EPHA3: variants seen among roughly 807,000 people sequenced by gnomAD.
EPHA3 encodes the protein ephrin type-A receptor 3.
A neutral mutation model predicts 107.1 loss-of-function variants in EPHA3; 42 were observed. The observed-to-expected ratio is 0.39, with a 90% CI of 0.31 to 0.51. The LOEUF (loss-of-function observed/expected upper bound fraction) is 0.51. Ranked by LOEUF, EPHA3 falls within the 20% of genes least tolerant of loss-of-function variation. The probability of loss-of-function intolerance (pLI) is 0.78; values close to 1 mark genes in which losing one functional copy is unlikely to be tolerated. For missense variants in EPHA3, 1,183 were observed against 1,211.2 expected, an observed-to-expected ratio of 0.98 and a Z score of 0.35; for synonymous variants, 461 against 424.8, an observed-to-expected ratio of 1.09 and a Z score of -1.05.
rs573354399 is a variant in EPHA3, at chr3:89,243,206, G to A, written c.814+32686G>A. On this transcript the variant is annotated intron_variant, in intron 3 of 16. Coordinates refer to ENST00000336596, the MANE Select transcript of EPHA3 (RefSeq NM_005233.6). ...TCTTTGCTATTGTGAATAGTGCCGC[G>A]ATAAACATATGTGTGCATGTTTCTT... Among the ~76,000 whole-genome samples, 38 of 152,098 alleles carry A rather than the reference G, an allele frequency of 2.5e-4. 1 individual carries two copies. In the South Asian group the frequency reaches 5.6e-3, roughly 22 times the overall value.
chr3:89,294,150 T>C (rs951242866), intron 3 of EPHA3, among the ~76,000 whole-genome samples: 5 of 152,172 alleles, frequency 3.3e-5, no homozygotes, highest in African/African-American at 9.6e-5. Flanking sequence ...TTTTGTCTTA[T>C]GTTTTCTTCT....
At chr3:89,161,939 T>C (rs1047011615) in intron 2 of EPHA3, among the ~76,000 whole-genome samples, 1 of 151,656 alleles carries the variant, frequency 6.6e-6, no homozygotes, top group African/African-American at 2.4e-5. Flanking sequence ...ATTGCACCAC[T>C]GCACTCCAGC....
chr3:89,178,258 A>G (rs1238582960), intron 2 of EPHA3, among the ~76,000 whole-genome samples: 1 of 152,172 alleles, frequency 6.6e-6, no homozygotes, highest in African/African-American at 2.4e-5. Context: ...ATAGATAGAT[A>G]GATAGTAAAT....
chr3:89,160,585 T>C (rs909634567), intron 2 of EPHA3, among the ~76,000 whole-genome samples: 5 of 131,088 alleles, frequency 3.8e-5, no homozygotes, highest in African/African-American at 1.2e-4. Flanking sequence ...TGTGTGTGTG[T>C]GTGTGCGCGC....
At position 89,479,761 on chromosome 3, in the gene EPHA3, G is replaced by A. The variant is rs948367234; in HGVS notation, c.*259G>A. 1.6e-4 allele frequency: 63 copies of A among 395,344 alleles called. No homozygotes were observed. The highest frequency in any genetic ancestry group is 2.4e-4 in the Non-Finnish European group (52 of 217,724). The allele number at this position is 395,344 out of a possible 1,614,324, so 24.5% of individuals were successfully genotyped here. A position where few individuals can be genotyped will look rare whatever the true frequency, so the allele number is the denominator to read the frequency against. ...AATGGATTAAATTTAATTCTTCAGC[G>A]TAAAATGGTGAAGAACTAGCATATA... is the stretch of plus-strand genomic sequence containing the variant. On this transcript the variant is annotated 3_prime_UTR_variant, in exon 17 of 17. Coordinates refer to ENST00000336596, the MANE Select transcript of EPHA3 (RefSeq NM_005233.6).
At chr3:89,112,204 A>G (rs1162446018) in intron 1 of EPHA3, among the ~76,000 whole-genome samples, 3 of 152,076 alleles carry the variant, frequency 2.0e-5, no homozygotes, top group Non-Finnish European at 4.4e-5. Context: ...TTTAATACAA[A>G]AATTTAAAAC....
At chr3:89,471,560 C>A (rs981307410) in intron 15 of EPHA3, among the ~76,000 whole-genome samples, 7 of 152,058 alleles carry the variant, frequency 4.6e-5, no homozygotes, top group African/African-American at 1.7e-4. Flanking sequence ...GATGGAGTTT[C>A]TCCATGTTGG....
chr3:89,183,057 C>T (rs1274208293), intron 2 of EPHA3, among the ~76,000 whole-genome samples: 7 of 151,788 alleles, frequency 4.6e-5, no homozygotes, highest in Non-Finnish European at 7.4e-5. Flanking sequence ...TTTGAGGACT[C>T]GGAGAGGTAA....
intron 1 of EPHA3, among the ~76,000 whole-genome samples, chr3:89,124,930 C>G (rs1704060980): frequency 6.6e-6 from 1 of 151,830 alleles, no homozygotes; most frequent in African/African-American, 2.4e-5. Flanking sequence ...TATTTGTTCT[C>G]CTTTGAGTAG....
chr3:89,422,237 C>G (rs1037319169), intron 11 of EPHA3, among the ~76,000 whole-genome samples: 5 of 128,500 alleles, frequency 3.9e-5, no homozygotes, highest in Non-Finnish European at 8.3e-5. Context: ...ACACACAGAG[C>G]GATTGTGTTT....
At chr3:89,410,593 C>A (rs961198507) in intron 9 of EPHA3, among the ~76,000 whole-genome samples, 1 of 151,912 alleles carries the variant, frequency 6.6e-6, no homozygotes, top group African/African-American at 2.4e-5. Context: ...TGCTAGATTT[C>A]TTTACCTTAC....
At chr3:89,266,022 G>C (rs182056503) in intron 3 of EPHA3, among the ~76,000 whole-genome samples, 53 of 152,188 alleles carry the variant, frequency 3.5e-4, no homozygotes, top group Middle Eastern at 6.8e-3. Flanking sequence ...GACACTACCA[G>C]AAGATATATA....
intron 3 of EPHA3, among the ~76,000 whole-genome samples, chr3:89,263,150 G>A (rs1178514308): frequency 6.6e-6 from 1 of 151,688 alleles, no homozygotes; most frequent in Non-Finnish European, 1.5e-5. Flanking sequence ...GGCCCCATGC[G>A]TGATGATTCC....
intron 2 of EPHA3, among the ~76,000 whole-genome samples, chr3:89,200,950 G>A (rs537680683): frequency 3.9e-5 from 6 of 152,232 alleles, no homozygotes; most frequent in South Asian, 4.1e-4. Flanking sequence ...TGCTGGGATA[G>A]GTTCCAGCCA....
intron 13 of EPHA3, 148 bp from the exon 14 acceptor site, chr3:89,449,077 A>G: frequency 1.5e-6 from 1 of 654,690 alleles, no homozygotes; most frequent in Non-Finnish European, 2.2e-6. Context: ...GTATTGAAAT[A>G]GAATAACATC....
chr3:89,108,953 C>G (rs941327458), intron 1 of EPHA3, among the ~76,000 whole-genome samples: 2 of 152,110 alleles, frequency 1.3e-5, no homozygotes, highest in Non-Finnish European at 2.9e-5. Flanking sequence ...TTATATACAT[C>G]ACTCCTTAGA....
At position 89,481,447 on chromosome 3, in the gene EPHA3, A is replaced by G. The variant is rs1710620490; in HGVS notation, c.*1945A>G. 2 of 231,944 alleles carry G rather than the reference A, an allele frequency of 8.6e-6. No homozygotes were observed. Among genetic ancestry groups the G allele is most frequent in the Non-Finnish European group, 1.7e-5 (2 of 117,410 alleles). The allele number at this position is 231,944 out of a possible 1,614,324, so 14.4% of individuals were successfully genotyped here. A position where few individuals can be genotyped will look rare whatever the true frequency, so the allele number is the denominator to read the frequency against. ...AAAACATTTTTTTTTTAAATCAAGT[A>G]TTTTGTGTTTGGAATGTTAGAATGA... On this transcript the variant is annotated 3_prime_UTR_variant, in exon 17 of 17. Transcript: ENST00000336596.
intron 7 of EPHA3, chr3:89,399,879 G>A (rs1163419741): frequency 1.7e-5 from 18 of 1,070,486 alleles, no homozygotes; most frequent in African/African-American, 3.3e-5. Flanking sequence ...TCTTAATTTT[G>A]TTTTAATCCT....
At chr3:89,162,201 G>A (rs1704963182) in intron 2 of EPHA3, among the ~76,000 whole-genome samples, 1 of 151,940 alleles carries the variant, frequency 6.6e-6, no homozygotes, top group African/African-American at 2.4e-5. Flanking sequence ...ATAACATGTA[G>A]AAAGTAAGAC....
Sources: allele counts gnomAD v4.1 joint callset (sites outside exome capture counted in the v4.1 genomes callset), GRCh38; gene constraint gnomAD v4.1.1; transcripts MANE v1.5; gene names NCBI Gene and HGNC (gene_info 2026-07-23, HGNC 2026-07-21).